Variants in CDC42BPA observed in about 807,000 individuals in gnomAD.
CDC42BPA encodes the protein serine/threonine-protein kinase MRCK alpha.
CDC42BPA carries 80 observed loss-of-function variants against 223.5 expected under a neutral mutation model. That is an observed-to-expected ratio of 0.36 (90% CI 0.30 to 0.43). CDC42BPA has a LOEUF of 0.43. CDC42BPA is among the 20% of genes least tolerant of loss of function. CDC42BPA has a pLI of 1.00. For missense variants in CDC42BPA, 1,743 were observed against 2,099.9 expected (o/e 0.83, Z 3.32); for synonymous variants, 694 against 718.6 (o/e 0.97, Z 0.55).
intron 5 of CDC42BPA, among the ~76,000 whole-genome samples, chr1:227,171,108 T>C (rs1486804714): frequency 6.6e-6 from 1 of 152,178 alleles, no homozygotes; most frequent in Non-Finnish European, 1.5e-5. Flanking sequence ...ATTTTCAACT[T>C]TGATAATTCA....
chr1:227,181,272 A>C (rs7531992), intron 5 of CDC42BPA, among the ~76,000 whole-genome samples: 25,722 of 152,222 alleles, frequency 0.17, 2,323 homozygotes, highest in Non-Finnish European at 0.19. Context: ...AGGGAAAAAA[A>C]CCCACCATTT....
At chr1:227,301,101 C>T (rs4653490) in intron 1 of CDC42BPA, among the ~76,000 whole-genome samples, 46,732 of 151,954 alleles carry the variant, frequency 0.31, 7,348 homozygotes, top group East Asian at 0.37. Context: ...GTATCACTAA[C>T]GAATTTAACC....
At chr1:227,315,539 C>A (rs1322676090) in intron 1 of CDC42BPA, among the ~76,000 whole-genome samples, 1 of 151,030 alleles carries the variant, frequency 6.6e-6, no homozygotes, top group Non-Finnish European at 1.5e-5. Flanking sequence ...CTTAAGAACT[C>A]AAGTTCCAAC....
intron 22 of CDC42BPA, among the ~76,000 whole-genome samples, chr1:227,050,627 A>G (rs960137190): frequency 3.9e-5 from 6 of 152,322 alleles, no homozygotes; most frequent in South Asian, 2.1e-4. Flanking sequence ...AAATGAACAC[A>G]TATCTGTAGG....
At chr1:227,089,193 A>G (rs954288300) in intron 16 of CDC42BPA, among the ~76,000 whole-genome samples, 2 of 152,218 alleles carry the variant, frequency 1.3e-5, no homozygotes, top group African/African-American at 4.8e-5. Context: ...TGACTTCTAG[A>G]TCTGTAATTC....
At chr1:227,154,957 A>G (rs771920689) in intron 6 of CDC42BPA, among the ~76,000 whole-genome samples, 3 of 152,176 alleles carry the variant, frequency 2.0e-5, no homozygotes, top group Non-Finnish European at 4.4e-5. Flanking sequence ...AGCAAGAAAA[A>G]GAATTATAGC....
At position 227,311,003 on chromosome 1, in the gene CDC42BPA, T is replaced by C. The variant is rs148082029; in HGVS notation, c.178+6002A>G. ...ACCGCACCCGGCCAAGGAGTTTTTA[T>C]ATACAACAAAAAACTTGTGTCTGGG... On this transcript the variant is annotated intron_variant, in intron 1 of 36. Coordinates refer to ENST00000366766, the MANE Select transcript of CDC42BPA (RefSeq NM_001394014.1). Among the ~76,000 whole-genome samples, 172 of 152,234 alleles carry C rather than the reference T, an allele frequency of 1.1e-3. 2 individuals carry two copies. The East Asian group carries it at 0.026, about 23-fold the overall frequency.
chr1:227,137,256 T>C (rs1004582752), intron 10 of CDC42BPA, among the ~76,000 whole-genome samples: 1 of 152,062 alleles, frequency 6.6e-6, no homozygotes, highest in African/African-American at 2.4e-5. Context: ...AGTAAATACA[T>C]GAAAAGATAT....
chr1:227,148,300 G>A (rs1163515045), intron 6 of CDC42BPA, among the ~76,000 whole-genome samples: 2 of 151,942 alleles, frequency 1.3e-5, no homozygotes, highest in Admixed American at 6.6e-5. Context: ...GTAAAAAAGT[G>A]GAAGAAAAAA....
intron 4 of CDC42BPA, among the ~76,000 whole-genome samples, chr1:227,197,688 A>AT (rs1670977070): frequency 6.6e-6 from 1 of 152,096 alleles, no homozygotes; most frequent in Non-Finnish European, 1.5e-5. Flanking sequence ...CAAAATGTAG[A>AT]CTTTTAAGCA....
intron 34 of CDC42BPA, among the ~76,000 whole-genome samples, chr1:227,013,775 T>C (rs1242660340): frequency 6.6e-6 from 1 of 152,136 alleles, no homozygotes; most frequent in African/African-American, 2.4e-5. Flanking sequence ...ACCTTGTAAC[T>C]ACTGAAATAA....
intron 6 of CDC42BPA, among the ~76,000 whole-genome samples, chr1:227,154,123 A>G (rs1375882631): frequency 6.6e-6 from 1 of 152,010 alleles, no homozygotes; most frequent in Non-Finnish European, 1.5e-5. Flanking sequence ...ATGATTTAAC[A>G]ATGGAAAAGC....
At chr1:227,166,135 T>C (rs1664995210) in intron 5 of CDC42BPA, among the ~76,000 whole-genome samples, 1 of 152,216 alleles carries the variant, frequency 6.6e-6, no homozygotes, top group Non-Finnish European at 1.5e-5. Context: ...TGAGTACAAT[T>C]ATACATTTAA....
At chr1:227,056,392 C>CT (rs566998997) in intron 21 of CDC42BPA, among the ~76,000 whole-genome samples, 23,046 of 117,972 alleles carry the variant, frequency 0.2, 1,874 homozygotes, top group East Asian at 0.27. Flanking sequence ...CTTTTCTTTT[C>CT]TTTTTTTTTT....
chr1:227,089,527 T>A (rs1682650463), intron 16 of CDC42BPA, among the ~76,000 whole-genome samples: 1 of 152,046 alleles, frequency 6.6e-6, no homozygotes, highest in South Asian at 2.1e-4. Flanking sequence ...TACTGCCCTG[T>A]AACCACTGGA....
chr1:227,237,691 T>C (rs1038212310), intron 2 of CDC42BPA, among the ~76,000 whole-genome samples: 2 of 152,216 alleles, frequency 1.3e-5, no homozygotes, highest in African/African-American at 2.4e-5. Flanking sequence ...AGTTTTAACT[T>C]GTTCCACAAA....
intron 15 of CDC42BPA, among the ~76,000 whole-genome samples, chr1:227,100,773 T>TGTGC (rs1553337924): frequency 7.6e-6 from 1 of 130,740 alleles, no homozygotes; most frequent in Non-Finnish European, 1.6e-5. Flanking sequence ...TGTGTGTGTG[T>TGTGC]GTGTGCGTGT....
At chr1:227,063,794 C>T (rs1384970886) in intron 21 of CDC42BPA, among the ~76,000 whole-genome samples, 3 of 152,088 alleles carry the variant, frequency 2.0e-5, no homozygotes, top group African/African-American at 4.8e-5. Flanking sequence ...TACAATTGAC[C>T]ATTCCCCCAA....
At position 227,048,025 on chromosome 1, in the gene CDC42BPA, A is replaced by G; in HGVS notation, c.3010-15T>C. On this transcript the variant is annotated splice_polypyrimidine_tract_variant and intron_variant, in intron 22 of 36. Transcript: ENST00000366766. Reference sequence around the variant, plus strand: ...GAGTCTACAGTCTGAACCCAGGAGCAAAAAAGGAAATAAATGTCATGAAAC... The same window carrying G: ...GAGTCTACAGTCTGAACCCAGGAGCGAAAAAGGAAATAAATGTCATGAAAC... 6.7e-7 allele frequency: 1 copy of G among 1,498,576 alleles called. No homozygotes were observed. Among genetic ancestry groups the G allele is most frequent in the South Asian group, 1.2e-5 (1 of 84,342 alleles). 92.8% of individuals were successfully genotyped at this position (1,498,576 alleles called of 1,614,324 possible). A position where few individuals can be genotyped will look rare whatever the true frequency, so the allele number is the denominator to read the frequency against.
Sources: allele counts gnomAD v4.1 joint callset (sites outside exome capture counted in the v4.1 genomes callset), GRCh38; gene constraint gnomAD v4.1.1; transcripts MANE v1.5; gene names NCBI Gene and HGNC (gene_info 2026-07-23, HGNC 2026-07-21).